FRK: variants seen among roughly 807,000 people sequenced by gnomAD.
The protein encoded by FRK is fyn related Src family tyrosine kinase.
Under a neutral mutation model 56.4 loss-of-function variants are expected in FRK, and 51 were observed. That is an observed-to-expected ratio of 0.90 (90% CI 0.72 to 1.14). The LOEUF is 1.14. Ranked by LOEUF, FRK falls within the 50% of genes most tolerant of loss-of-function variation. The pLI, the probability that FRK is intolerant of heterozygous loss-of-function variation, is 0.00. For synonymous variants in FRK, 245 were observed against 217.9 expected, an observed-to-expected ratio of 1.12 and a Z score of -1.10; for missense variants, 570 against 601.4, an observed-to-expected ratio of 0.95 and a Z score of 0.55.
chr6:116,079,587 T>C, the FRK span, among the ~76,000 whole-genome samples: 25,899 of 152,046 alleles, frequency 0.17, 2,604 homozygotes, highest in African/African-American at 0.27. Flanking sequence ...TATTATATTG[T>C]TTAATAAATC....
intron 2 of FRK, among the ~76,000 whole-genome samples, chr6:116,001,529 T>C (rs1277458927): frequency 6.6e-6 from 1 of 152,148 alleles, no homozygotes; most frequent in East Asian, 1.9e-4. Context: ...AATCCACACC[T>C]CTTTAACTTT....
the FRK span, among the ~76,000 whole-genome samples, chr6:116,069,279 T>C: frequency 6.6e-6 from 1 of 152,166 alleles, no homozygotes; most frequent in South Asian, 2.1e-4. Context: ...AAGTTTGGGA[T>C]ACAAAATTTG....
intron 2 of FRK, among the ~76,000 whole-genome samples, chr6:116,000,593 C>T (rs1362376196): frequency 6.6e-6 from 1 of 152,098 alleles, no homozygotes; most frequent in Non-Finnish European, 1.5e-5. Flanking sequence ...TTTGATCTCA[C>T]TTTTGACTAA....
chr6:115,937,272 A>C lies in FRK; in HGVS notation c.*5142T>G, dbSNP rs1212609748. The C allele has an allele frequency of 1.3e-5, 2 of 152,210 alleles. No individual in the cohort carries two copies. Among genetic ancestry groups the C allele is most frequent in the Non-Finnish European group, 2.9e-5 (2 of 68,042 alleles). 9.4% of individuals were successfully genotyped at this position (152,210 alleles called of 1,614,324 possible). On this transcript the variant is annotated 3_prime_UTR_variant, in exon 8 of 8. Transcript: ENST00000606080. ...AATAAAATCCTTTACAGACAAGCAA[A>C]TGCTGAGAGATTTTGTTACCACCAG...
chr6:116,003,975 C>T lies in FRK; in HGVS notation c.368G>A (p.Arg123Lys). 1.2e-6 allele frequency: 2 copies of T among 1,612,618 alleles called. No homozygotes were observed. Among genetic ancestry groups the T allele is most frequent in the Non-Finnish European group, 1.7e-6 (2 of 1,178,986 alleles). ...TAATAGTTGTTTCTCTGCATCTGAT[C>T]TTCCGATTGCTCCAAAGAACCACCT... ...AEPWFFGAIGRSDAEKQLLYS... is the reference protein window; with the variant it reads ...AEPWFFGAIGKSDAEKQLLYS... Residue 123 changes from arginine (R) to lysine (K), a missense_variant, in exon 2 of 8, where the codon AGA becomes AAA. Arg to Lys is a conservative substitution (Grantham distance 26). Coordinates refer to ENST00000606080, the MANE Select transcript of FRK (RefSeq NM_002031.3).
the FRK span, among the ~76,000 whole-genome samples, chr6:116,086,136 G>A: frequency 3.3e-5 from 5 of 151,948 alleles, no homozygotes; most frequent in Admixed American, 6.6e-5. Flanking sequence ...CTCCCGAGTA[G>A]CTTGGACTAC....
intron 1 of FRK, among the ~76,000 whole-genome samples, chr6:116,037,083 CT>C (rs973070817): frequency 2.0e-5 from 3 of 152,160 alleles, no homozygotes; most frequent in Non-Finnish European, 4.4e-5. Context: ...TCTTTGTAGA[CT>C]TTCTGAATCA....
In FRK at chr6:116,044,833, C is replaced by T. The variant is rs1324217254; in HGVS notation, c.344+15135G>A. Reference sequence around the variant, plus strand: ...ATGACATGATTGTGTATTTAGAAAACCCCACTGTCTCAGCCCAAAATTTCC... The same window carrying T: ...ATGACATGATTGTGTATTTAGAAAATCCCACTGTCTCAGCCCAAAATTTCC... On this transcript the variant is annotated intron_variant, in intron 1 of 7. Coordinates refer to ENST00000606080, the MANE Select transcript of FRK (RefSeq NM_002031.3). 3.3e-5 allele frequency among the ~76,000 whole-genome samples: 5 copies of T among 152,150 alleles called. No individual in the cohort carries two copies. The East Asian group carries it at 9.6e-4, about 29-fold the overall frequency.
the FRK span, among the ~76,000 whole-genome samples, chr6:116,080,968 C>G: frequency 6.6e-6 from 1 of 152,186 alleles, no homozygotes; most frequent in African/African-American, 2.4e-5. Context: ...AATTGACTCA[C>G]TGTTCAGCAT....
chr6:116,081,424 A>T, the FRK span, among the ~76,000 whole-genome samples: 1 of 152,184 alleles, frequency 6.6e-6, no homozygotes, highest in Non-Finnish European at 1.5e-5. Flanking sequence ...TGGGAGGCCA[A>T]GGTGGGCGGA....
chr6:115,955,481 A>G (rs1053366092), intron 5 of FRK, among the ~76,000 whole-genome samples: 18 of 152,158 alleles, frequency 1.2e-4, no homozygotes, highest in Admixed American at 3.3e-4. Flanking sequence ...TAATCTTTCT[A>G]TGGTGGGTAA....
chr6:115,959,374 C>T (rs1773233422), intron 4 of FRK, among the ~76,000 whole-genome samples: 1 of 152,036 alleles, frequency 6.6e-6, no homozygotes, highest in South Asian at 2.1e-4. Context: ...AAAGGGCTTC[C>T]TTAGAGAACA....
At chr6:116,099,985 A>C in the FRK span, among the ~76,000 whole-genome samples, 1 of 152,256 alleles carries the variant, frequency 6.6e-6, no homozygotes, top group African/African-American at 2.4e-5. Context: ...CATACATTGT[A>C]TGTAATGGAT....
intron 1 of FRK, among the ~76,000 whole-genome samples, chr6:116,049,403 T>C (rs192849247): frequency 6.6e-6 from 1 of 152,316 alleles, no homozygotes; most frequent in East Asian, 1.9e-4. Flanking sequence ...AATAAGACAG[T>C]CTTTCTGCTC....
rs750533470 is a variant in FRK, at chr6:115,967,659, G to A, written c.691C>T (p.Arg231Cys). 58 of 1,612,942 alleles carry A rather than the reference G, an allele frequency of 3.6e-5. No homozygotes were observed. The highest frequency in any genetic ancestry group is 8.9e-5 in the East Asian group (4 of 44,866). The stretch of plus-strand genomic sequence containing the variant: ...CGCTTCAGAAGCTGTATGGAGTTGC[G>A]GTCTATCTCCCATTGGTCCACGGTT... ...YKTVDQWEID[R>C]NSIQLLKRLG... Residue 231 changes from arginine to cysteine, a missense_variant, in exon 4 of 8, where the codon CGC becomes TGC. Transcript: ENST00000606080.
At chr6:116,085,027 G>A in the FRK span, among the ~76,000 whole-genome samples, 6 of 152,212 alleles carry the variant, frequency 3.9e-5, no homozygotes, top group African/African-American at 1.4e-4. Flanking sequence ...GAAGGGGGCA[G>A]TTAAGAGAGT....
chr6:116,053,256 A>C (rs1400454731), intron 1 of FRK, among the ~76,000 whole-genome samples: 1 of 152,184 alleles, frequency 6.6e-6, no homozygotes, highest in Non-Finnish European at 1.5e-5. Context: ...GGCTGCTCTT[A>C]TTTATATTGC....
the FRK span, among the ~76,000 whole-genome samples, chr6:116,081,138 C>G: frequency 6.6e-6 from 1 of 152,178 alleles, no homozygotes; most frequent in African/African-American, 2.4e-5. Context: ...ATAGGAAAAA[C>G]CTGCCCCCAT....
chr6:115,975,470 A>G (rs923698371), intron 2 of FRK, among the ~76,000 whole-genome samples: 1 of 152,174 alleles, frequency 6.6e-6, no homozygotes, highest in Non-Finnish European at 1.5e-5. Context: ...TTCATCTGTT[A>G]GTGGTGAGTT....
Sources: gnomAD v4.1 joint callset for allele counts (sites outside exome capture counted in the v4.1 genomes callset) on GRCh38, gnomAD v4.1.1 for gene constraint, MANE v1.5 for transcripts, NCBI Gene and HGNC (gene_info 2026-07-23, HGNC 2026-07-21) for gene names.